The following CTNND2 variants were observed in gnomAD, a reference collection of about 807,000 sequenced individuals.
CTNND2 encodes catenin delta 2, also known as catenin delta-2.
CTNND2 carries 22 observed loss-of-function variants against 144.4 expected under a neutral mutation model. That is an observed-to-expected ratio of 0.15 (90% confidence interval 0.11 to 0.22). The LOEUF is 0.22. CTNND2 is among the 10% of genes least tolerant of loss of function. The probability of loss-of-function intolerance (pLI) is 1.00; values close to 1 mark genes in which losing one functional copy is unlikely to be tolerated. For synonymous variants in CTNND2, 751 were observed against 695.6 expected (o/e 1.08, Z -1.25); for missense variants, 1,353 against 1,618.8 (o/e 0.84, Z 2.82).
intron 16 of CTNND2, among the ~76,000 whole-genome samples, chr5:11,049,041 C>T (rs898513008): frequency 6.6e-6 from 1 of 152,150 alleles, no homozygotes; most frequent in African/African-American, 2.4e-5. Flanking sequence ...CTAAATATCT[C>T]CTGGGGGACA....
chr5:11,112,758 T>G (rs1432510026), intron 13 of CTNND2, among the ~76,000 whole-genome samples: 1 of 152,222 alleles, frequency 6.6e-6, no homozygotes, highest in East Asian at 1.9e-4. Flanking sequence ...ATCCTGGGCC[T>G]ACCATTTCAC....
intron 9 of CTNND2, among the ~76,000 whole-genome samples, chr5:11,239,874 G>T (rs1742033638): frequency 6.6e-6 from 1 of 152,210 alleles, no homozygotes; most frequent in African/African-American, 2.4e-5. Context: ...GCCATGAGGT[G>T]ACCATCTCTC....
intron 8 of CTNND2, 94 bp from the exon 9 acceptor site, chr5:11,346,721 C>A: frequency 8.4e-7 from 1 of 1,196,664 alleles, no homozygotes; most frequent in African/African-American, 1.6e-5. Context: ...AAGTTACACA[C>A]ATAAAAAATA....
chr5:11,409,814 C>G (rs1477728234), intron 5 of CTNND2, among the ~76,000 whole-genome samples: 3 of 152,026 alleles, frequency 2.0e-5, no homozygotes, highest in Non-Finnish European at 4.4e-5. Context: ...TAACTCATAA[C>G]TACTTTCTTT....
intron 12 of CTNND2, among the ~76,000 whole-genome samples, chr5:11,129,047 TATAA>T (rs1376841356): frequency 6.4e-5 from 2 of 31,346 alleles, no homozygotes; most frequent in South Asian, 2.4e-3. Flanking sequence ...ATATATTATA[TATAA>T]ATAAAATATA....
At chr5:11,052,616 A>G (rs1377041333) in intron 16 of CTNND2, among the ~76,000 whole-genome samples, 1 of 152,098 alleles carries the variant, frequency 6.6e-6, no homozygotes, top group Admixed American at 6.6e-5. Context: ...CCAGAATTCA[A>G]ATTCTCCACA....
chr5:11,035,990 G>T (rs1295328384), intron 16 of CTNND2, among the ~76,000 whole-genome samples: 1 of 152,138 alleles, frequency 6.6e-6, no homozygotes, highest in African/African-American at 2.4e-5. Flanking sequence ...CAAAAATAAT[G>T]AAGTTAGTGT....
chr5:11,458,640 T>C (rs1375950559), intron 3 of CTNND2, among the ~76,000 whole-genome samples: 1 of 152,180 alleles, frequency 6.6e-6, no homozygotes, highest in Non-Finnish European at 1.5e-5. Flanking sequence ...ACAGAAGTTC[T>C]ACAAGATGTT....
intron 9 of CTNND2, among the ~76,000 whole-genome samples, chr5:11,277,627 G>T (rs1335446369): frequency 1.3e-5 from 2 of 151,776 alleles, no homozygotes; most frequent in African/African-American, 2.4e-5. Flanking sequence ...AACCTCCGAG[G>T]TTCAAGAGAT....
chr5:11,291,337 G>A (rs1029581810), intron 9 of CTNND2, among the ~76,000 whole-genome samples: 1 of 151,784 alleles, frequency 6.6e-6, no homozygotes, highest in African/African-American at 2.4e-5. Flanking sequence ...CCTTCTCACT[G>A]TTTAGGTTGA....
chr5:11,237,671 G>A (rs1336042061), intron 9 of CTNND2, among the ~76,000 whole-genome samples: 1 of 152,078 alleles, frequency 6.6e-6, no homozygotes, highest in Non-Finnish European at 1.5e-5. Context: ...CGTCTTAAAT[G>A]GATCAGGTAT....
rs1226662605 is a variant in CTNND2, at chr5:11,565,069, C to G, written c.175-13G>C. Reference sequence around the variant, plus strand: ...CAAACTGTAATTCCTGAAAGAAACCCATCAACAAGATCAATTCAATCATCT... The same window carrying G: ...CAAACTGTAATTCCTGAAAGAAACCGATCAACAAGATCAATTCAATCATCT... On this transcript the variant is annotated splice_polypyrimidine_tract_variant and intron_variant, in intron 2 of 21. Transcript: ENST00000304623. The G allele has an allele frequency of 6.3e-7, 1 of 1,584,652 alleles. No individual in the cohort carries two copies. Among genetic ancestry groups the G allele is most frequent in the African/African-American group, 1.3e-5 (1 of 74,328 alleles).
At chr5:11,678,089 C>G (rs146563224) in intron 2 of CTNND2, among the ~76,000 whole-genome samples, 243 of 152,200 alleles carry the variant, frequency 1.6e-3, no homozygotes, top group African/African-American at 5.6e-3. Context: ...TCAGACAGAA[C>G]TCTGACAATA....
At chr5:11,324,075 C>T (rs770235954) in intron 9 of CTNND2, among the ~76,000 whole-genome samples, 2 of 152,132 alleles carry the variant, frequency 1.3e-5, no homozygotes, top group African/African-American at 4.8e-5. Flanking sequence ...ACAGGTGGAA[C>T]AGTGTGAGGT....
chr5:11,027,769 A>G (rs1743009819), intron 16 of CTNND2, among the ~76,000 whole-genome samples: 1 of 152,210 alleles, frequency 6.6e-6, no homozygotes, highest in South Asian at 2.1e-4. Context: ...GGGCACACCA[A>G]GGTACCCCAA....
chr5:11,637,404 G>C (rs1429955127), intron 2 of CTNND2, among the ~76,000 whole-genome samples: 2 of 152,172 alleles, frequency 1.3e-5, no homozygotes, highest in Non-Finnish European at 2.9e-5. Context: ...CAAAATGTAA[G>C]TTAAAAATAA....
At position 11,349,458 on chromosome 5, in the gene CTNND2, C is replaced by G. The variant is rs553859709; in HGVS notation, c.1373-2831G>C. ...AGAGATTAAGAAACTAGCCGGCAGT[C>G]AGCTGATATTAATAAAAAAGGAATT... On this transcript the variant is annotated intron_variant, in intron 8 of 21. Transcript: ENST00000304623. Among the ~76,000 whole-genome samples, 3 of 152,204 alleles carry G rather than the reference C, an allele frequency of 2.0e-5. No homozygotes were observed. In the East Asian group the frequency reaches 5.8e-4, roughly 29 times the overall value.
intron 1 of CTNND2, among the ~76,000 whole-genome samples, chr5:11,818,209 A>G (rs144501468): frequency 1.3e-5 from 2 of 152,022 alleles, no homozygotes; most frequent in Admixed American, 6.6e-5. Context: ...ATGTCTAGAC[A>G]TTATCATAAG....
chr5:11,602,707 ATAT>A (rs1779861008), intron 2 of CTNND2, among the ~76,000 whole-genome samples: 1 of 133,530 alleles, frequency 7.5e-6, no homozygotes, highest in Admixed American at 7.1e-5. Flanking sequence ...TATATTTCAT[ATAT>A]TATATTATAT....
Sources: gnomAD v4.1 joint callset for allele counts (sites outside exome capture counted in the v4.1 genomes callset) on GRCh38, gnomAD v4.1.1 for gene constraint, MANE v1.5 for transcripts, NCBI Gene and HGNC (gene_info 2026-07-23, HGNC 2026-07-21) for gene names.